The following SRPK2 variants were observed in gnomAD, a reference collection of about 807,000 sequenced individuals.
SRPK2 encodes the protein SFRS protein kinase 2.
Under a neutral mutation model 90.8 loss-of-function variants are expected in SRPK2, and 21 were observed. The observed-to-expected ratio is 0.23, with a 90% CI of 0.16 to 0.33. The LOEUF (loss-of-function observed/expected upper bound fraction) is 0.33, where lower values mean the gene tolerates loss of function less well. SRPK2 is among the 10% of genes least tolerant of loss of function. The pLI, the probability that SRPK2 is intolerant of heterozygous loss-of-function variation, is 1.00. For synonymous variants in SRPK2, 288 were observed against 311.1 expected (o/e 0.93, Z 0.78); for missense variants, 620 against 869.0 (o/e 0.71, Z 3.60).
At chr7:105,226,205 A>G (rs1290092123) in intron 2 of SRPK2, among the ~76,000 whole-genome samples, 1 of 152,182 alleles carries the variant, frequency 6.6e-6, no homozygotes, top group Non-Finnish European at 1.5e-5. Context: ...TTTAGTGATC[A>G]TATTCTTCCC....
At chr7:105,313,145 G>T (rs1811907716) in intron 2 of SRPK2, among the ~76,000 whole-genome samples, 1 of 151,628 alleles carries the variant, frequency 6.6e-6, no homozygotes, top group Non-Finnish European at 1.5e-5. Context: ...AAAAGGTAAT[G>T]ATTTTTTTTT....
intron 2 of SRPK2, among the ~76,000 whole-genome samples, chr7:105,288,669 T>C (rs951942769): frequency 1.3e-5 from 2 of 152,162 alleles, no homozygotes; most frequent in Non-Finnish European, 2.9e-5. Flanking sequence ...AACAAGTTTC[T>C]ACTGCGAAAT....
upstream of SRPK2, among the ~76,000 whole-genome samples, chr7:105,393,079 C>T (rs541979768): frequency 2.6e-5 from 4 of 152,084 alleles, no homozygotes; most frequent in Admixed American, 6.6e-5. Flanking sequence ...ACGCAACCTC[C>T]GCCTTCCAGG....
chr7:105,210,213 C>T (rs1465132252), intron 2 of SRPK2, among the ~76,000 whole-genome samples: 1 of 152,146 alleles, frequency 6.6e-6, no homozygotes, highest in Non-Finnish European at 1.5e-5. Flanking sequence ...TGGCAACTGA[C>T]ACAATTTAAG....
chr7:105,234,770 A>G (rs574923190), intron 2 of SRPK2, among the ~76,000 whole-genome samples: 2 of 152,142 alleles, frequency 1.3e-5, no homozygotes, highest in Non-Finnish European at 2.9e-5. Flanking sequence ...GTGTGCTGAT[A>G]TAAGATTCAC....
intron 1 of SRPK2, among the ~76,000 whole-genome samples, chr7:105,396,723 G>C (rs1208420776): frequency 6.7e-6 from 1 of 148,948 alleles, no homozygotes; most frequent in South Asian, 2.1e-4. Flanking sequence ...GAGGGGGAGG[G>C]GAGAAGGAAG....
chr7:105,298,755 G>A, intron 2 of SRPK2: 1 of 985,578 alleles, frequency 1.0e-6, no homozygotes. Flanking sequence ...GTAGGAGACA[G>A]CAGAGGCACA....
At chr7:105,360,806 C>A (rs184681156) in intron 2 of SRPK2, among the ~76,000 whole-genome samples, 3 of 152,122 alleles carry the variant, frequency 2.0e-5, no homozygotes, top group Non-Finnish European at 4.4e-5. Context: ...TCAATAAATT[C>A]GGTATTGACA....
At chr7:105,396,117 G>A (rs1016522373) in intron 1 of SRPK2, among the ~76,000 whole-genome samples, 1 of 151,800 alleles carries the variant, frequency 6.6e-6, no homozygotes, top group African/African-American at 2.4e-5. Flanking sequence ...GTTTCTCCGT[G>A]TTGGACAGGC....
intron 2 of SRPK2, among the ~76,000 whole-genome samples, chr7:105,310,968 A>C (rs761982765): frequency 5.9e-5 from 9 of 152,284 alleles, no homozygotes; most frequent in African/African-American, 2.2e-4. Flanking sequence ...CACCCTTTCC[A>C]TCAGACAACC....
intron 3 of SRPK2, among the ~76,000 whole-genome samples, chr7:105,173,470 T>C (rs1248089781): frequency 2.0e-5 from 3 of 152,158 alleles, no homozygotes; most frequent in Non-Finnish European, 4.4e-5. Flanking sequence ...GCATCTCCTC[T>C]AACACCCATG....
At chr7:105,199,514 A>C (rs1320432353) in intron 3 of SRPK2, among the ~76,000 whole-genome samples, 1 of 152,164 alleles carries the variant, frequency 6.6e-6, no homozygotes, top group Non-Finnish European at 1.5e-5. Context: ...CCAATCAACA[A>C]AGGATGTCAG....
intron 2 of SRPK2, among the ~76,000 whole-genome samples, chr7:105,259,652 TA>T (rs1248633501): frequency 2.6e-5 from 4 of 152,124 alleles, no homozygotes; most frequent in African/African-American, 7.2e-5. Flanking sequence ...AAGGCTACAG[TA>T]ACCAAAACAG....
intron 6 of SRPK2, among the ~76,000 whole-genome samples, chr7:105,165,927 C>T (rs1208195602): frequency 4.6e-5 from 7 of 152,104 alleles, no homozygotes; most frequent in Admixed American, 2.6e-4. Flanking sequence ...AGCGAGACCA[C>T]GAACCCACCG....
At chr7:105,380,323 G>T (rs1820792834) in intron 2 of SRPK2, among the ~76,000 whole-genome samples, 1 of 151,840 alleles carries the variant, frequency 6.6e-6, no homozygotes, top group Non-Finnish European at 1.5e-5. Context: ...GTAGAGACGG[G>T]GTTTCATCAT....
intron 2 of SRPK2, among the ~76,000 whole-genome samples, chr7:105,297,157 CA>C (rs1476193997): frequency 6.6e-6 from 1 of 152,140 alleles, no homozygotes; most frequent in African/African-American, 2.4e-5. Context: ...CTGAAATAAA[CA>C]TGGGTCAATT....
intron 2 of SRPK2, chr7:105,244,873 A>T (rs1262983347): frequency 3.9e-6 from 5 of 1,295,222 alleles, no homozygotes; most frequent in Non-Finnish European, 5.6e-6. Context: ...AAGTTCATCA[A>T]GAAAAGGGTG....
intron 11 of SRPK2, among the ~76,000 whole-genome samples, chr7:105,134,035 A>G (rs548800317): frequency 2.0e-5 from 3 of 152,272 alleles, no homozygotes; most frequent in African/African-American, 7.2e-5. Flanking sequence ...CCTCAGACTG[A>G]CCTACAAGAT....
At chr7:105,286,457 C>A (rs955498036) in intron 2 of SRPK2, among the ~76,000 whole-genome samples, 1 of 152,092 alleles carries the variant, frequency 6.6e-6, no homozygotes, top group Non-Finnish European at 1.5e-5. Flanking sequence ...TATATTTGAC[C>A]GTAGTTTATG....
Sources: allele counts gnomAD v4.1 joint callset (sites outside exome capture counted in the v4.1 genomes callset), GRCh38; gene constraint gnomAD v4.1.1; transcripts MANE v1.5; gene names NCBI Gene and HGNC (gene_info 2026-07-23, HGNC 2026-07-21).